The following DCC variants were observed in gnomAD, a reference collection of about 807,000 sequenced individuals.
DCC encodes the protein DCC netrin 1 receptor, also known as netrin receptor DCC.
A neutral mutation model predicts 172.5 loss-of-function variants in DCC; 58 were observed. The observed-to-expected ratio is 0.34, with a 90% confidence interval of 0.27 to 0.42. The LOEUF (loss-of-function observed/expected upper bound fraction) is 0.42, where lower values mean the gene tolerates loss of function less well. DCC is among the 10% of genes least tolerant of loss of function. The pLI is 1.00. For synonymous variants in DCC, 709 were observed against 644.5 expected, an observed-to-expected ratio of 1.10 and a Z score of -1.52; for missense variants, 1,740 against 1,791.0, an observed-to-expected ratio of 0.97 and a Z score of 0.51.
At chr18:52,420,810 C>T (rs1987222569) in intron 1 of DCC, among the ~76,000 whole-genome samples, 1 of 151,938 alleles carries the variant, frequency 6.6e-6, no homozygotes, top group Non-Finnish European at 1.5e-5. Flanking sequence ...AGCCTGGCAT[C>T]ATGGAAAAGG....
chr18:53,242,315 A>G (rs2056307333), intron 12 of DCC, among the ~76,000 whole-genome samples: 1 of 152,220 alleles, frequency 6.6e-6, no homozygotes, highest in Non-Finnish European at 1.5e-5. Context: ...ATAAGTTTCC[A>G]ATGGGACAGC....
At chr18:52,521,178 AT>A (rs57633326) in intron 1 of DCC, among the ~76,000 whole-genome samples, 44,058 of 151,608 alleles carry the variant, frequency 0.29, 7,312 homozygotes, top group Non-Finnish European at 0.39. Flanking sequence ...TGAATTGTGA[AT>A]TTTTTTTTGA....
chr18:52,700,326 G>A (rs912145390), intron 1 of DCC, among the ~76,000 whole-genome samples: 11 of 137,890 alleles, frequency 8.0e-5, no homozygotes, highest in East Asian at 2.1e-4. Context: ...GCACACTCAC[G>A]GAATGCACAC....
intron 1 of DCC, among the ~76,000 whole-genome samples, chr18:52,515,674 C>T (rs1445743910): frequency 7.3e-6 from 1 of 136,286 alleles, no homozygotes; most frequent in Non-Finnish European, 1.6e-5. Context: ...AGGATATTGT[C>T]TCCAAGATCA....
At chr18:53,314,779 T>C (rs2057324467) in intron 13 of DCC, among the ~76,000 whole-genome samples, 1 of 152,100 alleles carries the variant, frequency 6.6e-6, no homozygotes, top group Non-Finnish European at 1.5e-5. Flanking sequence ...ATTTTCAGAG[T>C]GACCTGAGGC....
intron 1 of DCC, among the ~76,000 whole-genome samples, chr18:52,471,901 G>T (rs1988957224): frequency 6.6e-6 from 1 of 152,092 alleles, no homozygotes; most frequent in Non-Finnish European, 1.5e-5. Context: ...TATGTGAAGG[G>T]CAGAAAACTG....
intron 2 of DCC, among the ~76,000 whole-genome samples, chr18:52,898,340 T>C (rs7244124): frequency 0.4 from 60,059 of 152,012 alleles, 12,450 homozygotes; most frequent in Non-Finnish European, 0.47. Context: ...ATTTTCAGAT[T>C]AGAATTTAAA....
chr18:52,927,103 A>ATATACACG (rs2040222823), intron 5 of DCC, among the ~76,000 whole-genome samples: 1 of 111,252 alleles, frequency 9.0e-6, no homozygotes, highest in Non-Finnish European at 1.9e-5. Context: ...ATACGTGTAT[A>ATATACACG]TACACGTATA....
chr18:53,459,183 T>C, intron 23 of DCC, 49 bp from the exon 24 acceptor site: 1 of 1,356,794 alleles, frequency 7.4e-7, no homozygotes, highest in Non-Finnish European at 1.1e-6. Context: ...AGAAAGGAAG[T>C]GCCATTGAAT....
chr18:52,768,194 A>G (rs989793080), intron 2 of DCC, among the ~76,000 whole-genome samples: 5 of 152,212 alleles, frequency 3.3e-5, no homozygotes, highest in Non-Finnish European at 5.9e-5. Context: ...ATAACTCAGC[A>G]TTAAGAATTC....
intron 15 of DCC, among the ~76,000 whole-genome samples, chr18:53,365,903 C>T (rs947802202): frequency 1.3e-5 from 2 of 152,140 alleles, no homozygotes; most frequent in Admixed American, 1.3e-4. Flanking sequence ...ATTTTATGTT[C>T]TCGTTTACAG....
At chr18:53,448,961 A>G (rs1222312261) in intron 22 of DCC, among the ~76,000 whole-genome samples, 1 of 152,198 alleles carries the variant, frequency 6.6e-6, no homozygotes, top group Non-Finnish European at 1.5e-5. Context: ...ATGTAATTTT[A>G]TTATAAGCAC....
intron 2 of DCC, among the ~76,000 whole-genome samples, chr18:52,886,290 G>A (rs72922260): frequency 0.015 from 2,349 of 152,096 alleles, 36 homozygotes; most frequent in Non-Finnish European, 0.024. Flanking sequence ...ACCCCAGAGC[G>A]CTTTGGACCA....
At chr18:53,217,241 C>G (rs1005892418) in intron 12 of DCC, among the ~76,000 whole-genome samples, 7 of 147,766 alleles carry the variant, frequency 4.7e-5, no homozygotes, top group African/African-American at 1.7e-4. Context: ...TCCTGGATTG[C>G]AAAATTGACT....
intron 5 of DCC, among the ~76,000 whole-genome samples, chr18:53,032,042 T>C (rs2042032808): frequency 6.6e-6 from 1 of 152,138 alleles, no homozygotes; most frequent in South Asian, 2.1e-4. Flanking sequence ...GAAATATGTA[T>C]ATTGTACTCA....
intron 27 of DCC, among the ~76,000 whole-genome samples, chr18:53,516,798 A>G (rs79683967): frequency 0.093 from 13,378 of 143,108 alleles, 849 homozygotes; most frequent in Admixed American, 0.19. Context: ...TCAGGAAACA[A>G]CAGGTGCTGG....
At chr18:53,408,836 T>G (rs1909822702) in intron 19 of DCC, among the ~76,000 whole-genome samples, 1 of 152,152 alleles carries the variant, frequency 6.6e-6, no homozygotes, top group Non-Finnish European at 1.5e-5. Context: ...GTTTTCAGCA[T>G]TGTTCAAAAT....
intron 26 of DCC, among the ~76,000 whole-genome samples, chr18:53,496,825 C>T (rs1007822941): frequency 2.0e-5 from 3 of 151,978 alleles, no homozygotes; most frequent in Non-Finnish European, 4.4e-5. Flanking sequence ...ACAAGAACCT[C>T]GTGAAGCATA....
chr18:52,478,520 A>G (rs879550468), intron 1 of DCC, among the ~76,000 whole-genome samples: 10 of 152,222 alleles, frequency 6.6e-5, no homozygotes, highest in Non-Finnish European at 1.5e-4. Flanking sequence ...TGTCATTGCT[A>G]TAAAGAAATA....
Sources: gnomAD v4.1 joint callset for allele counts (sites outside exome capture counted in the v4.1 genomes callset) on GRCh38, gnomAD v4.1.1 for gene constraint, MANE v1.5 for transcripts, NCBI Gene and HGNC (gene_info 2026-07-23, HGNC 2026-07-21) for gene names.